The following CPT1A variants were observed in gnomAD, a reference collection of about 807,000 sequenced individuals.
CPT1A encodes the protein carnitine palmitoyltransferase 1A.
In CPT1A, 64 loss-of-function variants were observed where a neutral mutation model predicts 100.8. The ratio of observed to expected loss-of-function variants is 0.63; its 90% CI spans 0.52 to 0.78. The LOEUF is 0.78. Among genes scored for constraint, CPT1A ranks in the 30% least tolerant of loss-of-function variants. The pLI, the probability that CPT1A is intolerant of heterozygous loss-of-function variation, is 0.00. For missense variants in CPT1A, 802 were observed against 1,034.1 expected (o/e 0.78, Z 3.08); for synonymous variants, 363 against 396.0 (o/e 0.92, Z 0.99).
intron 1 of CPT1A, among the ~76,000 whole-genome samples, chr11:68,816,545 G>A (rs1856394445): frequency 6.6e-6 from 1 of 152,024 alleles, no homozygotes; most frequent in Non-Finnish European, 1.5e-5. Context: ...TCCTGGCTCC[G>A]GCCGCCTTCC....
At chr11:68,774,400 TCA>T (rs1855085257) in intron 13 of CPT1A, among the ~76,000 whole-genome samples, 2 of 152,170 alleles carry the variant, frequency 1.3e-5, no homozygotes, top group Middle Eastern at 3.4e-3. Flanking sequence ...GATGACGTCA[TCA>T]CACAGTGGCA....
At chr11:68,806,045 G>A (rs1856036854) in intron 4 of CPT1A, among the ~76,000 whole-genome samples, 1 of 149,834 alleles carries the variant, frequency 6.7e-6, no homozygotes, top group African/African-American at 2.5e-5. Context: ...TTTGAGACAG[G>A]GTCTGGCTCT....
At chr11:68,809,371 T>G (rs900989402) in intron 3 of CPT1A, among the ~76,000 whole-genome samples, 1 of 152,224 alleles carries the variant, frequency 6.6e-6, no homozygotes, top group Non-Finnish European at 1.5e-5. Flanking sequence ...TTTAAAAGTA[T>G]AGACATAGAG....
intron 10 of CPT1A, among the ~76,000 whole-genome samples, chr11:68,783,503 C>T (rs934376721): frequency 6.6e-6 from 1 of 152,184 alleles, no homozygotes; most frequent in East Asian, 1.9e-4. Flanking sequence ...AGCCCACCTG[C>T]GGCCCCTCCA....
intron 9 of CPT1A, among the ~76,000 whole-genome samples, chr11:68,785,519 C>A (rs1855434345): frequency 6.7e-6 from 1 of 149,266 alleles, no homozygotes; most frequent in Admixed American, 6.7e-5. Context: ...CGAGATCACC[C>A]CACTGCACTC....
At chr11:68,820,420 T>C (rs191386857) in intron 1 of CPT1A, among the ~76,000 whole-genome samples, 1 of 151,890 alleles carries the variant, frequency 6.6e-6, no homozygotes, top group East Asian at 2.0e-4. Flanking sequence ...CGGTGGCTCA[T>C]GCCTGTAATC....
intron 16 of CPT1A, 75 bp downstream of exon 16, chr11:68,761,460 T>G: frequency 6.6e-7 from 1 of 1,514,396 alleles, no homozygotes; most frequent in Non-Finnish European, 9.2e-7. Context: ...TAAAATATGT[T>G]CATGCAAGGC....
chr11:68,762,634 G>T lies in CPT1A; in HGVS notation c.1868C>A (p.Ala623Asp). ...AGCCTGATGGCACATTACCGTCTGG[G>T]CCGGGTCCACCATGGCCCGCACGAA... ...CDFVRAMVDP[A>D]QTVEQRLKLF... is the part of the protein sequence containing the mutation. Residue 623 changes from alanine (A) to aspartate (D), a missense_variant, in exon 15 of 19, where the codon GCC becomes GAC. Physicochemically the swap from Ala to Asp is moderately radical, Grantham distance 126. This residue lies in a region of CPT1A where 627 missense variants were observed against 799.3 expected (regional missense o/e 0.78). Transcript: ENST00000265641. 1 of 1,613,618 alleles carries T rather than the reference G, an allele frequency of 6.2e-7. No homozygotes were observed. Among genetic ancestry groups the T allele is most frequent in the Non-Finnish European group, 8.5e-7 (1 of 1,180,004 alleles).
rs772298375 is a variant in CPT1A at position 68,756,749 on chromosome 11, CTGT to C, written c.*892_*894del. 2.6e-5 allele frequency: 4 copies of C among 152,182 alleles called. No individual in the cohort carries two copies. The highest frequency in any genetic ancestry group is 5.9e-5 in the Non-Finnish European group (4 of 68,046). 9.4% of individuals were successfully genotyped at this position (152,182 alleles called of 1,614,324 possible). On this transcript the variant is annotated 3_prime_UTR_variant, in exon 19 of 19. Transcript: ENST00000265641. ...CTTGCTCCCCTTTTATGACATGTGC[CTGT>C]TATTTCTTTTGTTGCTTATGATGAC...
At chr11:68,772,960 G>T (rs954535398) in intron 14 of CPT1A, among the ~76,000 whole-genome samples, 12 of 152,126 alleles carry the variant, frequency 7.9e-5, no homozygotes, top group Non-Finnish European at 1.6e-4. Context: ...AGGATTCGGG[G>T]CTTATTATGG....
intron 1 of CPT1A, among the ~76,000 whole-genome samples, chr11:68,821,838 G>A (rs551048818): frequency 4.1e-4 from 63 of 152,238 alleles, no homozygotes; most frequent in Non-Finnish European, 7.4e-4. Flanking sequence ...AGGGGTCTTG[G>A]AATGTATCCC....
chr11:68,768,200 C>T (rs1324188974), intron 14 of CPT1A, among the ~76,000 whole-genome samples: 2 of 150,794 alleles, frequency 1.3e-5, no homozygotes, highest in Non-Finnish European at 2.9e-5. Flanking sequence ...CTCAGCCTCC[C>T]GAGTAGCTGG....
chr11:68,840,207 C>A lies in CPT1A; in HGVS notation c.-14+1568G>T, dbSNP rs549438709. Among the ~76,000 whole-genome samples the A allele has an allele frequency of 3.2e-4, 49 of 152,298 alleles. No individual in the cohort carries two copies. In the East Asian group the frequency reaches 8.1e-3, roughly 25 times the overall value. Reference sequence around the variant, plus strand: ...ACAGCTGGATGTTCGCTGGCCTCAGCGGTGTGCATTCTCAGCGACACTTAT... The same window carrying A: ...ACAGCTGGATGTTCGCTGGCCTCAGAGGTGTGCATTCTCAGCGACACTTAT... On this transcript the variant is annotated intron_variant, in intron 1 of 18. Transcript: ENST00000265641.
intron 1 of CPT1A, among the ~76,000 whole-genome samples, chr11:68,832,218 G>A (rs527509159): frequency 1.3e-5 from 2 of 152,270 alleles, no homozygotes; most frequent in African/African-American, 4.8e-5. Flanking sequence ...GCAGGCCAAG[G>A]CGGACAGATC....
intron 12 of CPT1A, among the ~76,000 whole-genome samples, chr11:68,778,884 C>T (rs1594332164): frequency 6.6e-6 from 1 of 151,478 alleles, no homozygotes; most frequent in Non-Finnish European, 1.5e-5. Flanking sequence ...CTCCCGGGTT[C>T]ACGCCATTCT....
At chr11:68,828,744 C>CA (rs36105428) in intron 1 of CPT1A, among the ~76,000 whole-genome samples, 2 of 152,030 alleles carry the variant, frequency 1.3e-5, no homozygotes, top group African/African-American at 2.4e-5. Flanking sequence ...CTTGGGCAAG[C>CA]GTCCGCCTCC....
chr11:68,812,307 A>T, intron 3 of CPT1A, 130 bp downstream of exon 3: 2 of 1,310,864 alleles, frequency 1.5e-6, no homozygotes, highest in Non-Finnish European at 2.2e-6. Context: ...AAGAAAGCTG[A>T]CGTGAGAACA....
intron 1 of CPT1A, among the ~76,000 whole-genome samples, chr11:68,836,388 G>T (rs563213382): frequency 1.3e-5 from 2 of 152,122 alleles, no homozygotes; most frequent in East Asian, 3.9e-4. Flanking sequence ...GAAGAAGGAG[G>T]ATCCCTTGAG....
At chr11:68,766,557 C>A (rs1854807975) in intron 14 of CPT1A, among the ~76,000 whole-genome samples, 1 of 152,076 alleles carries the variant, frequency 6.6e-6, no homozygotes, top group African/African-American at 2.4e-5. Context: ...GCGATCTCAG[C>A]TCACTATAAC....
Sources: gnomAD v4.1 joint callset for allele counts (sites outside exome capture counted in the v4.1 genomes callset) on GRCh38, gnomAD v4.1.1 for gene constraint, gnomAD v4.1.1 regional missense constraint, MANE v1.5 for transcripts, NCBI Gene and HGNC (gene_info 2026-07-23, HGNC 2026-07-21) for gene names.